The following USP54 variants were observed in gnomAD, a reference collection of about 807,000 sequenced individuals.
The protein encoded by USP54 is ubiquitin carboxyl-terminal hydrolase 54.
Under a neutral mutation model 170.5 loss-of-function variants are expected in USP54, and 87 were observed. That is an observed-to-expected ratio of 0.51 (90% confidence interval 0.43 to 0.61). The LOEUF (loss-of-function observed/expected upper bound fraction) is 0.61. Ranked by LOEUF, USP54 falls within the 20% of genes least tolerant of loss-of-function variation. The pLI, the probability that USP54 is intolerant of heterozygous loss-of-function variation, is 0.00. For missense variants in USP54, 1,786 were observed against 2,047.8 expected (o/e 0.87, Z 2.47); for synonymous variants, 655 against 742.8 (o/e 0.88, Z 1.92).
In USP54 at chr10:73,624,177, TA is replaced by T. The variant is rs1564974730; in HGVS notation, c.-18+1389del. ...TAAAAGCCATATATATATATATATA[TA>T]TATATATATATATATATGTATTTTT... On this transcript the variant is annotated intron_variant, in intron 1 of 22. Coordinates refer to the USP54 transcript ENST00000339859. Among the ~76,000 whole-genome samples, 71 of 111,110 alleles carry T rather than the reference TA, an allele frequency of 6.4e-4. 2 individuals carry two copies. The South Asian group carries it at 0.01, about 16-fold the overall frequency. The allele number at this position is 111,110 out of a possible 152,430, so 72.9% of individuals were successfully genotyped here. A position where few individuals can be genotyped will look rare whatever the true frequency, so the allele number is the denominator to read the frequency against.
intron 1 of USP54, among the ~76,000 whole-genome samples, chr10:73,616,335 C>CAAAAAAAA (rs60197778): frequency 3.9e-5 from 1 of 25,774 alleles, no homozygotes; most frequent in African/African-American, 1.8e-4. Context: ...GACTCCATCT[C>CAAAAAAAA]AAAAAAAAAA....
Position 73,516,987 on chromosome 10 carries a change from T to C in USP54, c.3439A>G (p.Ser1147Gly). ...QRMQGVSMRD[S>G]TGFKDRSLSG... ...AAACTTCTATCCTTGAAACCTGTAC[T>C]ATCCCTCATGGAGACACCCTGCATC... Residue 1147 changes from serine (S) to glycine (G), a missense_variant, in exon 20 of 24, where the codon AGT becomes GGT. Ser to Gly is a moderately conservative substitution (Grantham distance 56). Transcript: ENST00000687698. 2 of 1,614,214 alleles carry C rather than the reference T, an allele frequency of 1.2e-6. No individual in the cohort carries two copies. Among genetic ancestry groups the C allele is most frequent in the Non-Finnish European group, 1.7e-6 (2 of 1,180,036 alleles).
chr10:73,580,138 A>T (rs1025617010), intron 1 of USP54, among the ~76,000 whole-genome samples: 11 of 151,974 alleles, frequency 7.2e-5, no homozygotes, highest in Admixed American at 7.2e-4. Context: ...AGCCTGGCCA[A>T]CATGGTGAAA....
rs2057467458 is a variant in USP54, at chr10:73,498,886, C to T, written c.4798G>A (p.Val1600Ile). 3.2e-6 allele frequency: 2 copies of T among 625,536 alleles called. No homozygotes were observed. The highest frequency in any genetic ancestry group is 5.8e-6 in the Non-Finnish European group (2 of 346,240). 38.7% of individuals were successfully genotyped at this position (625,536 alleles called of 1,614,324 possible). Residue 1600 changes from valine (V) to isoleucine (I), a missense_variant, in exon 24 of 24, where the codon GTT becomes ATT. Around this residue, in one of 3 missense-constraint regions of USP54, gnomAD observed 1,418 missense variants for 1,569.0 expected, o/e 0.90. Transcript: ENST00000687698. ...CTAGATGGTGGGTACACAGGATGAA[C>T]AATGGGAGGGTGGGAGGGTGAATGG... is the stretch of plus-strand genomic sequence containing the variant. The part of the protein sequence containing the change: ...LFHSPSHPPI[V>I]HPVYPPSSSL...
upstream of USP54, among the ~76,000 whole-genome samples, chr10:73,595,612 T>G (rs2078663226): frequency 6.6e-6 from 1 of 152,230 alleles, no homozygotes; most frequent in African/African-American, 2.4e-5. Flanking sequence ...GCATCATTAT[T>G]GTTTAAATTC....
chr10:73,597,444 G>A (rs1197513204), intron 1 of USP54, among the ~76,000 whole-genome samples: 2 of 152,106 alleles, frequency 1.3e-5, no homozygotes. Context: ...TGGATCACCT[G>A]GCACCATCCA....
At chr10:73,502,339 C>T (rs1254057861) in intron 22 of USP54, among the ~76,000 whole-genome samples, 4 of 152,016 alleles carry the variant, frequency 2.6e-5, no homozygotes, top group South Asian at 2.1e-4. Flanking sequence ...GACGGAGTCT[C>T]GCTCTGTCAC....
intron 4 of USP54, among the ~76,000 whole-genome samples, chr10:73,567,093 G>A (rs1443153892): frequency 1.3e-5 from 2 of 151,702 alleles, no homozygotes; most frequent in African/African-American, 4.8e-5. Flanking sequence ...TGGCCAGGCT[G>A]GTCTTGAACT....
intron 1 of USP54, among the ~76,000 whole-genome samples, chr10:73,617,597 A>C (rs771986916): frequency 6.6e-6 from 1 of 150,464 alleles, no homozygotes; most frequent in Non-Finnish European, 1.5e-5. Context: ...TGGAGGGCTG[A>C]GGTGGAAAAA....
chr10:73,539,762 C>T (rs2066169627), intron 9 of USP54, among the ~76,000 whole-genome samples, 169 bp from the exon 10 acceptor site: 1 of 152,176 alleles, frequency 6.6e-6, no homozygotes, highest in African/African-American at 2.4e-5. Context: ...AACTTCAGCA[C>T]TTTGTGAGGC....
intron 4 of USP54, among the ~76,000 whole-genome samples, chr10:73,548,665 T>C (rs1421283563): frequency 6.6e-6 from 1 of 151,782 alleles, no homozygotes; most frequent in African/African-American, 2.4e-5. Context: ...CACTCATAGG[T>C]GGGAATTGAA....
chr10:73,530,087 A>G, intron 14 of USP54, 56 bp downstream of exon 14: 2 of 1,536,484 alleles, frequency 1.3e-6, no homozygotes, highest in Non-Finnish European at 1.7e-6. Context: ...CAGGTTTTAA[A>G]AAGACATAAA....
chr10:73,598,694 G>A (rs1007049407), intron 1 of USP54, among the ~76,000 whole-genome samples: 17 of 151,918 alleles, frequency 1.1e-4, no homozygotes, highest in East Asian at 1.9e-4. Context: ...GGTGGATCAC[G>A]AGGTCAGGAG....
At chr10:73,564,750 CT>C (rs1224094938) in intron 4 of USP54, among the ~76,000 whole-genome samples, 1 of 152,068 alleles carries the variant, frequency 6.6e-6, no homozygotes, top group East Asian at 1.9e-4. Flanking sequence ...CTCCAGAGCT[CT>C]TTTTTCCCTC....
rs1564687487 is a variant in USP54, at chr10:73,523,884, TTATTATTATTATTATTA to T, written c.2195-151_2195-135del. On this transcript the variant is annotated intron_variant, in intron 16 of 23. Coordinates refer to ENST00000687698, the MANE Select transcript of USP54 (RefSeq NM_001391956.1). ...TTGGAGTTTATTTATTTATTATTTA[TTATTATTATTATTATTA>T]TTATTATTATTATTATTATTATTTT... 8.3e-5 allele frequency: 14 copies of T among 168,810 alleles called. 1 individual carries two copies. Among genetic ancestry groups the T allele is most frequent in the Admixed American group, 4.1e-4 (6 of 14,558 alleles). 10.5% of individuals were successfully genotyped at this position (168,810 alleles called of 1,614,324 possible). A position where few individuals can be genotyped will look rare whatever the true frequency, so the allele number is the denominator to read the frequency against.
chr10:73,583,443 G>A (rs1402567410), intron 1 of USP54, among the ~76,000 whole-genome samples: 4 of 151,956 alleles, frequency 2.6e-5, no homozygotes. Flanking sequence ...CTGCCACCAC[G>A]CCCAGCTAAT....
Position 73,516,904 on chromosome 10 carries a change from C to T in USP54, c.3522G>A (p.Gln1174=), listed in dbSNP as rs1320437499. Residue 1174 remains glutamine, a synonymous_variant, in exon 20 of 24, where the codon CAG becomes CAA. Transcript: ENST00000687698. ...SPSDSKPPFS[Q]GQEKGHWPWA... Reference sequence around the variant, plus strand: ...ATGGCCAGTGGCCTTTCTCTTGACCCTGTGAGAAAGGAGGCTTAGAATCAG... The same window carrying T: ...ATGGCCAGTGGCCTTTCTCTTGACCTTGTGAGAAAGGAGGCTTAGAATCAG... 6.2e-7 allele frequency: 1 copy of T among 1,614,110 alleles called. No individual in the cohort carries two copies. The highest frequency in any genetic ancestry group is 8.5e-7 in the Non-Finnish European group (1 of 1,180,046).
intron 16 of USP54, 147 bp downstream of exon 16, chr10:73,526,500 G>T: frequency 8.9e-7 from 1 of 1,124,320 alleles, no homozygotes; most frequent in South Asian, 1.6e-5. Flanking sequence ...GCCTGCCTCG[G>T]CCTCCCAAAG....
chr10:73,577,833 T>C (rs1022583497), intron 1 of USP54, among the ~76,000 whole-genome samples: 2 of 151,942 alleles, frequency 1.3e-5, no homozygotes, highest in South Asian at 4.1e-4. Context: ...AGAACCCATA[T>C]CTCCCACACA....
Sources: allele counts gnomAD v4.1 joint callset (sites outside exome capture counted in the v4.1 genomes callset), GRCh38; gene constraint gnomAD v4.1.1; regional missense constraint gnomAD v4.1.1; transcripts MANE v1.5; gene names NCBI Gene and HGNC (gene_info 2026-07-23, HGNC 2026-07-21).